The following DLG2 variants were observed in gnomAD, a reference collection of about 807,000 sequenced individuals.
The protein encoded by DLG2 is discs large MAGUK scaffold protein 2.
Under a neutral mutation model 132.5 loss-of-function variants are expected in DLG2, and 45 were observed. That is an observed-to-expected ratio of 0.34 (90% CI 0.27 to 0.44). DLG2 has a LOEUF of 0.44. Among genes scored for constraint, DLG2 ranks in the 20% least tolerant of loss-of-function variants. The probability of loss-of-function intolerance (pLI) is 1.00; values close to 1 mark genes in which losing one functional copy is unlikely to be tolerated. For missense variants in DLG2, 1,045 were observed against 1,196.9 expected, an observed-to-expected ratio of 0.87 and a Z score of 1.87; for synonymous variants, 424 against 419.6, an observed-to-expected ratio of 1.01 and a Z score of -0.13.
intron 7 of DLG2, among the ~76,000 whole-genome samples, chr11:84,393,061 T>G (rs535171280): frequency 1.3e-5 from 2 of 152,274 alleles, no homozygotes; most frequent in South Asian, 4.1e-4. Flanking sequence ...GTAAATAACT[T>G]AATAACGTGT....
chr11:83,658,144 C>T (rs1276699344), intron 18 of DLG2, among the ~76,000 whole-genome samples: 2 of 152,212 alleles, frequency 1.3e-5, no homozygotes, highest in Admixed American at 1.3e-4. Flanking sequence ...TTACTCCAGC[C>T]TCATAATGTT....
At chr11:83,895,678 C>G (rs748315598) in intron 15 of DLG2, among the ~76,000 whole-genome samples, 24 of 152,182 alleles carry the variant, frequency 1.6e-4, no homozygotes, top group Non-Finnish European at 3.4e-4. Context: ...TTTACCCAGC[C>G]TGCTGCTATT....
At chr11:85,011,473 T>TA (rs1247995561) in intron 6 of DLG2, among the ~76,000 whole-genome samples, 1 of 152,218 alleles carries the variant, frequency 6.6e-6, no homozygotes, top group East Asian at 1.9e-4. Flanking sequence ...TGACTGCTTC[T>TA]AGAAACCTAT....
At chr11:85,623,485 A>G (rs1396300418) in intron 2 of DLG2, among the ~76,000 whole-genome samples, 3 of 152,086 alleles carry the variant, frequency 2.0e-5, no homozygotes, top group Non-Finnish European at 4.4e-5. Context: ...TTGTATTTTT[A>G]GTAGAGATGG....
intron 11 of DLG2, among the ~76,000 whole-genome samples, chr11:84,057,771 A>G (rs960450505): frequency 6.6e-6 from 1 of 152,174 alleles, no homozygotes; most frequent in Admixed American, 6.6e-5. Context: ...AATCCTCACA[A>G]CATCTCTAGG....
At chr11:84,785,154 T>C (rs1217923447) in intron 6 of DLG2, among the ~76,000 whole-genome samples, 1 of 151,630 alleles carries the variant, frequency 6.6e-6, no homozygotes, top group Non-Finnish European at 1.5e-5. Flanking sequence ...AGGCTATATA[T>C]GGTTTGCATG....
At chr11:85,484,594 T>A (rs1004380073) in intron 3 of DLG2, among the ~76,000 whole-genome samples, 2 of 151,740 alleles carry the variant, frequency 1.3e-5, no homozygotes, top group Non-Finnish European at 2.9e-5. Context: ...AAAAAACACA[T>A]GAAAAAATGC....
At chr11:84,855,800 C>G (rs2082707693) in intron 6 of DLG2, among the ~76,000 whole-genome samples, 1 of 152,036 alleles carries the variant, frequency 6.6e-6, no homozygotes, top group South Asian at 2.1e-4. Context: ...TGACAAAATT[C>G]TGAATGAATT....
intron 3 of DLG2, among the ~76,000 whole-genome samples, chr11:85,331,404 C>T (rs1329872567): frequency 6.6e-6 from 1 of 152,136 alleles, no homozygotes; most frequent in Admixed American, 6.6e-5. Flanking sequence ...GTGCCTTGCC[C>T]TTCTTTTTCT....
intron 7 of DLG2, among the ~76,000 whole-genome samples, chr11:84,362,254 A>G (rs1360332559): frequency 6.6e-6 from 1 of 152,106 alleles, no homozygotes; most frequent in Admixed American, 6.6e-5. Flanking sequence ...CTCAGAATCT[A>G]CTAAAAGTTA....
At chr11:83,587,190 T>G (rs1193392927) in intron 19 of DLG2, among the ~76,000 whole-genome samples, 1 of 152,180 alleles carries the variant, frequency 6.6e-6, no homozygotes, top group Non-Finnish European at 1.5e-5. Flanking sequence ...GCTTATAGTT[T>G]TTTTTAAATT....
chr11:83,697,685 T>C (rs1017942750), intron 18 of DLG2, among the ~76,000 whole-genome samples: 1 of 152,172 alleles, frequency 6.6e-6, no homozygotes, highest in South Asian at 2.1e-4. Context: ...AGGGGGATTC[T>C]ACTAGCAGCC....
chr11:83,739,181 T>C (rs576634808), intron 18 of DLG2, among the ~76,000 whole-genome samples: 10 of 152,236 alleles, frequency 6.6e-5, no homozygotes, highest in South Asian at 2.1e-4. Flanking sequence ...CCACCACTGA[T>C]GGGTTAAGAT....
chr11:85,408,997 G>A (rs1052607762), intron 3 of DLG2, among the ~76,000 whole-genome samples: 1 of 151,918 alleles, frequency 6.6e-6, no homozygotes, highest in Non-Finnish European at 1.5e-5. Context: ...TGACAACTTA[G>A]TGAGGAGAAG....
chr11:85,021,795 G>C, intron 6 of DLG2: 1 of 514,598 alleles, frequency 1.9e-6, no homozygotes, highest in Middle Eastern at 3.7e-4. Context: ...ACTGCTGCTC[G>C]AGGTGGGTAA....
At chr11:85,389,235 T>C (rs1432128288) in intron 3 of DLG2, among the ~76,000 whole-genome samples, 3 of 152,062 alleles carry the variant, frequency 2.0e-5, no homozygotes, top group Non-Finnish European at 4.4e-5. Flanking sequence ...AGCAATAGAA[T>C]TGAACAAGTA....
chr11:84,621,909 A>G (rs2099614680), intron 6 of DLG2, among the ~76,000 whole-genome samples: 1 of 152,198 alleles, frequency 6.6e-6, no homozygotes, highest in South Asian at 2.1e-4. Context: ...AAACAATTCT[A>G]CCTACCCAGG....
rs1417158598 is a variant in DLG2 at position 85,400,020 on chromosome 11, A to G, written c.41-114655T>C. Among the ~76,000 whole-genome samples, 4 of 152,160 alleles carry G rather than the reference A, an allele frequency of 2.6e-5. No individual in the cohort carries two copies. In the South Asian group the frequency reaches 8.3e-4, roughly 32 times the overall value. ...ACCTACAAAATGGGAGAAAATTTTC[A>G]CATCCTACTCATCTGACAAAGGGCT... On this transcript the variant is annotated intron_variant, in intron 3 of 27. Coordinates refer to ENST00000376104, the MANE Select transcript of DLG2 (RefSeq NM_001142699.3).
At chr11:84,807,257 C>G (rs573887830) in intron 6 of DLG2, among the ~76,000 whole-genome samples, 1 of 152,236 alleles carries the variant, frequency 6.6e-6, no homozygotes, top group Non-Finnish European at 1.5e-5. Context: ...ACCAGCCTGG[C>G]TAACGTGGTG....
Sources: gnomAD v4.1 joint callset for allele counts (sites outside exome capture counted in the v4.1 genomes callset) on GRCh38, gnomAD v4.1.1 for gene constraint, MANE v1.5 for transcripts, NCBI Gene and HGNC (gene_info 2026-07-23, HGNC 2026-07-21) for gene names.